CELF1: variants seen among roughly 807,000 people sequenced by gnomAD.
CELF1 encodes 50 kDa nuclear polyadenylated RNA-binding protein.
CELF1 carries 10 observed loss-of-function variants against 61.8 expected under a neutral mutation model. That is an observed-to-expected ratio of 0.16 (90% confidence interval 0.10 to 0.27). CELF1 has a LOEUF of 0.27. Among genes scored for constraint, CELF1 ranks in the 10% least tolerant of loss-of-function variants. The pLI, the probability that CELF1 is intolerant of heterozygous loss-of-function variation, is 1.00. For missense variants in CELF1, 380 were observed against 639.1 expected, an observed-to-expected ratio of 0.59 and a Z score of 4.37; for synonymous variants, 236 against 225.1, an observed-to-expected ratio of 1.05 and a Z score of -0.43.
intron 1 of CELF1, among the ~76,000 whole-genome samples, chr11:47,510,035 C>T (rs1184359398): frequency 6.6e-6 from 1 of 151,784 alleles, no homozygotes. Flanking sequence ...GCATTCCAGC[C>T]TGGGCAACAG....
Position 47,543,821 on chromosome 11 carries a change from A to G in CELF1, c.-154+9171T>C, listed in dbSNP as rs2096868688. ...ACTCTTGATACAATATAGTTTACAA[A>G]GCAAATAGCTAAAACTGATTAAGTC... On this transcript the variant is annotated intron_variant, in intron 1 of 14. Coordinates refer to ENST00000687097, the MANE Select transcript of CELF1 (RefSeq NM_001376376.1). Among the ~76,000 whole-genome samples the G allele has an allele frequency of 2.0e-5, 3 of 152,224 alleles. No individual in the cohort carries two copies. In the South Asian group the frequency reaches 6.2e-4, roughly 32 times the overall value.
At chr11:47,494,539 T>G in intron 3 of CELF1, 1 of 943,562 alleles carries the variant, frequency 1.1e-6, no homozygotes, top group Non-Finnish European at 1.3e-6. Flanking sequence ...TTCAAAATTC[T>G]TGAACACTCT....
intron 1 of CELF1, among the ~76,000 whole-genome samples, chr11:47,546,792 C>G (rs10838726): frequency 0.23 from 34,554 of 151,952 alleles, 5,009 homozygotes; most frequent in South Asian, 0.46. Flanking sequence ...GTGCCAGGCA[C>G]AGTGGCTCAC....
chr11:47,542,267 T>C (rs956157847), intron 1 of CELF1, among the ~76,000 whole-genome samples: 3 of 151,932 alleles, frequency 2.0e-5, no homozygotes, highest in Non-Finnish European at 2.9e-5. Context: ...CTACTCGAGG[T>C]TGAGGCAGAA....
chr11:47,540,005 G>C (rs1179134916), intron 1 of CELF1, among the ~76,000 whole-genome samples: 1 of 152,148 alleles, frequency 6.6e-6, no homozygotes, highest in Non-Finnish European at 1.5e-5. Flanking sequence ...CTAGGACAAA[G>C]TGATTTGCCC....
chr11:47,478,781 T>G (rs2081376656), intron 10 of CELF1, 96 bp downstream of exon 10: 1 of 994,022 alleles, frequency 1.0e-6, no homozygotes, highest in South Asian at 1.4e-5. Flanking sequence ...AGCAAAAAAA[T>G]GTTTTCACAG....
chr11:47,535,199 G>A (rs2096597181), intron 1 of CELF1, among the ~76,000 whole-genome samples: 1 of 152,090 alleles, frequency 6.6e-6, no homozygotes, highest in South Asian at 2.1e-4. Context: ...CAAATTTCAA[G>A]AGTATCCCTC....
At chr11:47,555,524 AG>A (rs535627390), upstream of CELF1, among the ~76,000 whole-genome samples, 882 of 152,256 alleles carry the variant, frequency 5.8e-3, 10 homozygotes, top group African/African-American at 0.019. Context: ...TGTTAGCCCA[AG>A]GTTGGGGGGA....
intron 7 of CELF1, 99 bp downstream of exon 7, chr11:47,484,289 TG>T: frequency 7.5e-7 from 1 of 1,325,416 alleles, no homozygotes; most frequent in Non-Finnish European, 1.0e-6. Flanking sequence ...CACTCCAGCC[TG>T]GGTGAGAGAG....
intron 2 of CELF1, among the ~76,000 whole-genome samples, chr11:47,561,086 G>A (rs1234030205): frequency 6.8e-6 from 1 of 147,314 alleles, no homozygotes; most frequent in Admixed American, 6.8e-5. Context: ...TGTATTGAGT[G>A]GAGATCATGC....
At chr11:47,535,839 T>G (rs926791505) in intron 1 of CELF1, among the ~76,000 whole-genome samples, 5 of 150,486 alleles carry the variant, frequency 3.3e-5, no homozygotes, top group Admixed American at 3.3e-4. Context: ...CTCGGCTCAC[T>G]GCAATCTCCA....
At chr11:47,510,628 A>T (rs1220719347) in intron 1 of CELF1, among the ~76,000 whole-genome samples, 2 of 151,984 alleles carry the variant, frequency 1.3e-5, no homozygotes, top group Non-Finnish European at 2.9e-5. Flanking sequence ...CTTGAACTAC[A>T]GGTGTGCACC....
chr11:47,490,070 C>T (rs551112623), intron 3 of CELF1, among the ~76,000 whole-genome samples: 5 of 150,998 alleles, frequency 3.3e-5, no homozygotes, highest in Non-Finnish European at 7.4e-5. Context: ...TCCCAAGTGG[C>T]TGGGATTACA....
intron 1 of CELF1, among the ~76,000 whole-genome samples, chr11:47,528,677 T>A (rs1190628202): frequency 6.6e-6 from 1 of 151,040 alleles, no homozygotes; most frequent in Non-Finnish European, 1.5e-5. Context: ...AGGCCAAGAG[T>A]TTGAGACCTG....
chr11:47,482,962 C>T, intron 8 of CELF1, 106 bp from the exon 9 acceptor site: 1 of 955,326 alleles, frequency 1.0e-6, no homozygotes, highest in Non-Finnish European at 1.6e-6. Context: ...TCATTCACTG[C>T]CAAATGATTC....
At chr11:47,500,208 T>C (rs1271862040) in intron 2 of CELF1, among the ~76,000 whole-genome samples, 2 of 152,130 alleles carry the variant, frequency 1.3e-5, no homozygotes, top group African/African-American at 2.4e-5. Flanking sequence ...TTTTTTTTTT[T>C]CTTGATATTT....
At chr11:47,561,521 T>G (rs915279911) in intron 2 of CELF1, among the ~76,000 whole-genome samples, 2 of 147,684 alleles carry the variant, frequency 1.4e-5, no homozygotes, top group African/African-American at 5.0e-5. Context: ...GAAAGACAGA[T>G]AATAAGTGTT....
chr11:47,560,671 G>C (rs1418317751), intron 2 of CELF1, among the ~76,000 whole-genome samples: 2 of 152,134 alleles, frequency 1.3e-5, no homozygotes, highest in African/African-American at 4.8e-5. Context: ...GTGCAACCCT[G>C]TGAGTATATT....
chr11:47,553,368 T>G (rs1024464215), upstream of CELF1, among the ~76,000 whole-genome samples: 9 of 152,136 alleles, frequency 5.9e-5, no homozygotes, highest in African/African-American at 2.2e-4. Context: ...CCTAGGGAGC[T>G]GCAGGGGCGC....
Sources: gnomAD v4.1 joint callset for allele counts (sites outside exome capture counted in the v4.1 genomes callset) on GRCh38, gnomAD v4.1.1 for gene constraint, MANE v1.5 for transcripts, NCBI Gene and HGNC (gene_info 2026-07-23, HGNC 2026-07-21) for gene names.